PTPN20: variants seen among roughly 807,000 people sequenced by gnomAD.
PTPN20 encodes the protein protein tyrosine phosphatase non-receptor type 20.
In PTPN20, 9 loss-of-function variants were observed where a neutral mutation model predicts 35.0. The observed-to-expected ratio is 0.26, with a 90% confidence interval of 0.15 to 0.45. PTPN20 has a LOEUF of 0.45. PTPN20 is among the 20% of genes least tolerant of loss of function. The probability of loss-of-function intolerance (pLI) is 1.00; values close to 1 mark genes in which losing one functional copy is unlikely to be tolerated. For synonymous variants in PTPN20, 32 were observed against 100.2 expected (o/e 0.32, Z 4.06); for missense variants, 111 against 312.5 (o/e 0.36, Z 4.86).
At chr10:46,998,546 T>C (rs2059544360) in intron 9 of PTPN20, among the ~76,000 whole-genome samples, 1 of 152,192 alleles carries the variant, frequency 6.6e-6, no homozygotes, top group Admixed American at 6.5e-5. Context: ...GTGGAACAGC[T>C]CTGTATCTGG....
Position 46,951,610 on chromosome 10 carries a change from T to A in PTPN20, c.340+4935T>A, listed in dbSNP as rs1477229263. On this transcript the variant is annotated intron_variant, in intron 5 of 10. Transcript: ENST00000374339. ...GCTTAGATCACGAATCTATCTGCAGTTTATTGCTAAATATTATAGGGGTAT... is the reference window on the plus strand; with the variant it reads ...GCTTAGATCACGAATCTATCTGCAGATTATTGCTAAATATTATAGGGGTAT... Among the ~76,000 whole-genome samples the A allele has an allele frequency of 3.9e-5, 6 of 152,152 alleles. No individual in the cohort carries two copies. In the Middle Eastern group the frequency reaches 0.014, roughly 347 times the overall value.
At chr10:46,926,117 A>G (rs1455038928) in intron 1 of PTPN20, 4 of 985,288 alleles carry the variant, frequency 4.1e-6, no homozygotes, top group Non-Finnish European at 4.8e-6. Context: ...GAAGGAAAGT[A>G]TGAGTCTCAG....
intron 1 of PTPN20, among the ~76,000 whole-genome samples, chr10:46,915,778 G>A (rs2032839219): frequency 2.3e-5 from 1 of 42,922 alleles, no homozygotes; most frequent in East Asian, 7.9e-4. Context: ...GGTGGGGGTT[G>A]TAGTGAGCCA....
intron 7 of PTPN20, chr10:46,981,398 G>T (rs2055345547): frequency 1.4e-5 from 2 of 148,062 alleles, no homozygotes; most frequent in Admixed American, 1.3e-4. Flanking sequence ...CACCAAGGCT[G>T]ACCTGGCTAC....
At position 46,986,341 on chromosome 10, in the gene PTPN20, A is replaced by G. The variant is rs1292567164; in HGVS notation, c.919-999A>G. On this transcript the variant is annotated intron_variant, in intron 8 of 10. Coordinates refer to ENST00000374339, the MANE Select transcript of PTPN20 (RefSeq NM_001042357.5). ...GGGCTCAGCCAAGTTGACACATAAAATTAACTATCACAAATTTCAGTCGAC... is the reference window on the plus strand; with the variant it reads ...GGGCTCAGCCAAGTTGACACATAAAGTTAACTATCACAAATTTCAGTCGAC... 2.1e-5 allele frequency among the ~76,000 whole-genome samples: 3 copies of G among 145,178 alleles called. 1 individual carries two copies. The highest frequency in any genetic ancestry group is 8.4e-5 in the African/African-American group (3 of 35,610).
intron 9 of PTPN20, among the ~76,000 whole-genome samples, chr10:46,993,795 C>T (rs1352414913): frequency 4.6e-5 from 7 of 152,150 alleles, no homozygotes; most frequent in African/African-American, 1.7e-4. Flanking sequence ...TATCTTTCAG[C>T]TTCATACCAG....
rs899733386 is a variant in PTPN20 at position 47,002,016 on chromosome 10, T to A, written c.*1275T>A. 6.6e-6 allele frequency: 1 copy of A among 152,108 alleles called. No individual in the cohort carries two copies. The highest frequency in any genetic ancestry group is 1.5e-5 in the Non-Finnish European group (1 of 67,968). 9.4% of individuals were successfully genotyped at this position (152,108 alleles called of 1,614,324 possible). A position where few individuals can be genotyped will look rare whatever the true frequency, so the allele number is the denominator to read the frequency against. Reference sequence around the variant, plus strand: ...TAATATCAATCTATAAATCTTGAATTTCTAAGAGGCTTATTTTGTTCTTTT... The same window carrying A: ...TAATATCAATCTATAAATCTTGAATATCTAAGAGGCTTATTTTGTTCTTTT... On this transcript the variant is annotated 3_prime_UTR_variant, in exon 11 of 11. Coordinates refer to ENST00000374339, the MANE Select transcript of PTPN20 (RefSeq NM_001042357.5).
chr10:47,002,966 A>G (rs905614520), downstream of PTPN20, among the ~76,000 whole-genome samples: 1 of 152,052 alleles, frequency 6.6e-6, no homozygotes, highest in Non-Finnish European at 1.5e-5. Context: ...AAAGCAAAAT[A>G]CTTTTATTTC....
At chr10:46,989,298 T>C (rs1383443048) in intron 9 of PTPN20, among the ~76,000 whole-genome samples, 1 of 90,574 alleles carries the variant, frequency 1.1e-5, no homozygotes, top group Non-Finnish European at 2.1e-5. Context: ...TCGTCTTTAT[T>C]GTGTTTAGAT....
intron 9 of PTPN20, among the ~76,000 whole-genome samples, chr10:46,990,188 TA>T (rs2057678809): frequency 6.7e-6 from 1 of 149,832 alleles, no homozygotes; most frequent in African/African-American, 2.4e-5. Flanking sequence ...GCCTGATCAA[TA>T]TGGCGAAACC....
chr10:47,000,699 T>C lies in PTPN20; in HGVS notation c.1221T>C (p.Asp407=). ...AGGAGCAGTATCACTTTTGTTACGA[T>C]ATTGTGCTTGAAGTTCTTCGGAAAC... ...QTKEQYHFCY[D]IVLEVLRKLL... Residue 407 remains aspartate (D), a synonymous_variant, in exon 11 of 11, where the codon GAT becomes GAC. Coordinates refer to ENST00000374339, the MANE Select transcript of PTPN20 (RefSeq NM_001042357.5). 4.3e-6 allele frequency: 7 copies of C among 1,613,564 alleles called. No homozygotes were observed. Among genetic ancestry groups the C allele is most frequent in the South Asian group, 1.1e-5 (1 of 91,066 alleles).
chr10:46,977,147 A>G lies in PTPN20; in HGVS notation c.584-7083A>G, dbSNP rs1411567085. 9.2e-5 allele frequency among the ~76,000 whole-genome samples: 14 copies of G among 152,412 alleles called. No individual in the cohort carries two copies. The East Asian group carries it at 2.1e-3, about 23-fold the overall frequency. ...GAGTGGGCCTTATTCAGTCAGTTGA[A>G]GTCATTAAGAAAAAAACGCTAAAAT... On this transcript the variant is annotated intron_variant, in intron 7 of 10. Transcript: ENST00000374339.
intron 9 of PTPN20, among the ~76,000 whole-genome samples, chr10:46,998,933 A>AACATAGGGAGACCCCATCTCT (rs1387963717): frequency 0.12 from 18,896 of 152,014 alleles, 1,941 homozygotes; most frequent in African/African-American, 0.29. Context: ...CAGCCTGGGT[A>AACATAGGGAGACCCCATCTCT]ACAAAAATAA....
At chr10:47,000,559 GT>G in intron 10 of PTPN20, 116 bp from the exon 11 acceptor site, 1 of 1,160,944 alleles carries the variant, frequency 8.6e-7, no homozygotes. Flanking sequence ...ATAGTTAAAT[GT>G]TTGCTCTTTT....
chr10:46,957,618 C>A (rs1441646246), intron 5 of PTPN20, among the ~76,000 whole-genome samples: 21 of 151,744 alleles, frequency 1.4e-4, no homozygotes, highest in African/African-American at 5.1e-4. Flanking sequence ...GTAATCCCAG[C>A]TACTTGGGAG....
At chr10:46,951,022 T>A (rs2790933) in intron 5 of PTPN20, among the ~76,000 whole-genome samples, 3 of 133,204 alleles carry the variant, frequency 2.3e-5, no homozygotes, top group African/African-American at 9.5e-5. Context: ...TATATTTACA[T>A]GTATTTCCTA....
intron 5 of PTPN20, chr10:46,948,066 C>T (rs2045529656): frequency 2.6e-6 from 1 of 392,052 alleles, no homozygotes; most frequent in South Asian, 1.9e-5. Context: ...TTTTCTCCTA[C>T]TCTTCTTACT....
rs1216666094 is a variant in PTPN20, at chr10:46,931,532, A to G, written c.-123-845A>G. ...TACCTCAGCTTTTCAAGTAGCTGGGACCACAGGTGTGTGCCACCACACCCG... is the reference window on the plus strand; with the variant it reads ...TACCTCAGCTTTTCAAGTAGCTGGGGCCACAGGTGTGTGCCACCACACCCG... On this transcript the variant is annotated intron_variant, in intron 1 of 10. Coordinates refer to ENST00000374339, the MANE Select transcript of PTPN20 (RefSeq NM_001042357.5). 2.1e-5 allele frequency among the ~76,000 whole-genome samples: 3 copies of G among 141,500 alleles called. 1 individual carries two copies. Among genetic ancestry groups the G allele is most frequent in the African/African-American group, 9.0e-5 (3 of 33,386 alleles). 92.8% of individuals were successfully genotyped at this position (141,500 alleles called of 152,430 possible). A position where few individuals can be genotyped will look rare whatever the true frequency, so the allele number is the denominator to read the frequency against.
intron 2 of PTPN20, 99 bp from the exon 3 acceptor site, chr10:46,940,524 A>C: frequency 7.5e-7 from 1 of 1,328,064 alleles, no homozygotes; most frequent in Non-Finnish European, 1.1e-6. Context: ...AGTAGATGAA[A>C]ATGCCCCTCA....
Sources: allele counts gnomAD v4.1 joint callset (sites outside exome capture counted in the v4.1 genomes callset), GRCh38; gene constraint gnomAD v4.1.1; transcripts MANE v1.5; gene names NCBI Gene and HGNC (gene_info 2026-07-23, HGNC 2026-07-21).